DNAH5: variants seen among roughly 807,000 people sequenced by gnomAD.
DNAH5 encodes axonemal beta dynein heavy chain 5.
In DNAH5, 372 loss-of-function variants were observed where a neutral mutation model predicts 518.2. The ratio of observed to expected loss-of-function variants is 0.72; its 90% CI spans 0.66 to 0.78. The LOEUF (loss-of-function observed/expected upper bound fraction) is 0.78. DNAH5 is among the 30% of genes least tolerant of loss of function. The pLI is 0.00. For missense variants in DNAH5, 5,523 were observed against 5,687.0 expected (o/e 0.97, Z 0.93); for synonymous variants, 2,039 against 2,025.9 (o/e 1.01, Z -0.17).
chr5:13,859,729 C>A, intron 29 of DNAH5, 124 bp from the exon 30 acceptor site: 1 of 912,164 alleles, frequency 1.1e-6, no homozygotes, highest in Admixed American at 2.0e-5. Context: ...ATGTTGCTGG[C>A]TTTTAAAGTG....
At chr5:13,870,677 G>C in intron 24 of DNAH5, 90 bp downstream of exon 24, 1 of 1,161,940 alleles carries the variant, frequency 8.6e-7, no homozygotes, top group Non-Finnish European at 1.3e-6. Flanking sequence ...TAACCATTTA[G>C]TAACTTCACT....
chr5:13,950,235 C>T (rs1238790689), intron 1 of DNAH5, among the ~76,000 whole-genome samples: 3 of 151,858 alleles, frequency 2.0e-5, no homozygotes, highest in Non-Finnish European at 2.9e-5. Flanking sequence ...GTTTTTTTTC[C>T]TTTCCAGATG....
intron 74 of DNAH5, 36 bp from the exon 75 acceptor site, chr5:13,714,656 C>T (rs758893837): frequency 1.1e-5 from 17 of 1,598,702 alleles, no homozygotes; most frequent in Non-Finnish European, 1.5e-5. Context: ...CACAGACTGC[C>T]AACATAAGCA....
Position 13,700,667 on chromosome 5 carries a change from C to G in DNAH5, c.13696G>C (p.Val4566Leu), listed in dbSNP as rs200891691. Reference protein sequence around the residue: ...KPKVLFELMPVIRIYAENNTL... With the variant: ...KPKVLFELMPLIRIYAENNTL... ...TTGTTTTCTGCATAAATCCTTATGACAGGCATCAACTCAAAGAGCACTTTT... is the reference window on the plus strand; with the variant it reads ...TTGTTTTCTGCATAAATCCTTATGAGAGGCATCAACTCAAAGAGCACTTTT... The change falls in exon 78 of 79, where the codon GTC becomes CTC. Residue 4566 changes from valine to leucine, a missense_variant. This residue lies in a region of DNAH5 where 387 missense variants were observed against 430.0 expected (regional missense o/e 0.90). Transcript: ENST00000265104. 50 of 1,614,028 alleles carry G rather than the reference C, an allele frequency of 3.1e-5. No individual in the cohort carries two copies. The highest frequency in any genetic ancestry group is 1.6e-4 in the Middle Eastern group (1 of 6,084).
At chr5:13,980,621 C>T (rs924038350) in intron 1 of DNAH5, among the ~76,000 whole-genome samples, 3 of 152,202 alleles carry the variant, frequency 2.0e-5, no homozygotes, top group Non-Finnish European at 4.4e-5. Context: ...TCATCCACCA[C>T]TACCACTCTG....
At chr5:13,904,063 CAGTT>C (rs1481609029) in intron 12 of DNAH5, among the ~76,000 whole-genome samples, 11 of 151,846 alleles carry the variant, frequency 7.2e-5, no homozygotes, top group Non-Finnish European at 1.6e-4. Context: ...GCTGATAAAA[CAGTT>C]AAACTCTTTA....
intron 19 of DNAH5, among the ~76,000 whole-genome samples, chr5:13,883,477 C>T (rs908564472): frequency 1.3e-5 from 2 of 151,998 alleles, no homozygotes; most frequent in African/African-American, 4.8e-5. Context: ...TCGGCATAAG[C>T]CAAAGTTAGA....
chr5:13,884,211 G>C (rs142787910), intron 19 of DNAH5, among the ~76,000 whole-genome samples: 297 of 152,242 alleles, frequency 2.0e-3, no homozygotes, highest in African/African-American at 6.9e-3. Flanking sequence ...TGAAGAGTGT[G>C]ACACTAGTAA....
intron 1 of DNAH5, among the ~76,000 whole-genome samples, chr5:14,010,599 G>C (rs543701556): frequency 1.3e-5 from 2 of 152,190 alleles, no homozygotes; most frequent in African/African-American, 4.8e-5. Context: ...ATACTAAAAA[G>C]AGCTAACGAG....
chr5:13,723,586 A>G (rs1366836405), intron 70 of DNAH5, among the ~76,000 whole-genome samples: 1 of 152,234 alleles, frequency 6.6e-6, no homozygotes, highest in East Asian at 1.9e-4. Context: ...TGGCCAAATC[A>G]TCTCTATTGC....
intron 30 of DNAH5, among the ~76,000 whole-genome samples, chr5:13,855,634 G>A (rs1303738737): frequency 6.6e-6 from 1 of 152,060 alleles, no homozygotes; most frequent in Non-Finnish European, 1.5e-5. Context: ...CTCAGCTCTG[G>A]ACCAAGCGGA....
chr5:13,861,975 AAC>A (rs1272114846), intron 29 of DNAH5, among the ~76,000 whole-genome samples: 5,463 of 136,616 alleles, frequency 0.04, 415 homozygotes, highest in Non-Finnish European at 0.047. Flanking sequence ...AAAAAAAAAA[AAC>A]AAGTTCAAAT....
chr5:13,795,060 G>A (rs1757618476), intron 47 of DNAH5, among the ~76,000 whole-genome samples: 1 of 152,108 alleles, frequency 6.6e-6, no homozygotes. Flanking sequence ...AGCGTGTAGA[G>A]GGAAATTTAT....
At chr5:14,010,502 T>C (rs1785038459) in intron 1 of DNAH5, among the ~76,000 whole-genome samples, 1 of 152,184 alleles carries the variant, frequency 6.6e-6, no homozygotes, top group African/African-American at 2.4e-5. Flanking sequence ...AAAAAAGTCA[T>C]TGGTTTATTG....
chr5:13,849,806 CT>C (rs991478119), intron 31 of DNAH5, among the ~76,000 whole-genome samples: 5 of 152,034 alleles, frequency 3.3e-5, no homozygotes, highest in Non-Finnish European at 4.4e-5. Flanking sequence ...AGCATAGTCA[CT>C]TTTTTTGTTC....
chr5:14,008,642 A>T (rs1261439582), intron 1 of DNAH5, among the ~76,000 whole-genome samples: 1 of 152,184 alleles, frequency 6.6e-6, no homozygotes, highest in Non-Finnish European at 1.5e-5. Flanking sequence ...TCAAAAAAAA[A>T]AGAAAAACAA....
At chr5:13,789,248 T>C (rs1756569144) in intron 50 of DNAH5, among the ~76,000 whole-genome samples, 1 of 152,202 alleles carries the variant, frequency 6.6e-6, no homozygotes. Flanking sequence ...TCTATATTCA[T>C]GTGGCCAGAG....
chr5:13,923,702 T>C (rs1008652017), intron 3 of DNAH5, among the ~76,000 whole-genome samples: 58 of 152,288 alleles, frequency 3.8e-4, no homozygotes, highest in African/African-American at 1.2e-3. Context: ...TCTACTGGCA[T>C]GTACTGTGTT....
intron 4 of DNAH5, among the ~76,000 whole-genome samples, chr5:13,922,995 T>G (rs1425702744): frequency 6.6e-6 from 1 of 151,980 alleles, no homozygotes; most frequent in Non-Finnish European, 1.5e-5. Context: ...ATTAAGTAAA[T>G]TATGCATGGG....
Sources: allele counts gnomAD v4.1 joint callset (sites outside exome capture counted in the v4.1 genomes callset), GRCh38; gene constraint gnomAD v4.1.1; regional missense constraint gnomAD v4.1.1; transcripts MANE v1.5; gene names NCBI Gene and HGNC (gene_info 2026-07-23, HGNC 2026-07-21).